Variants in CELF2 observed in about 807,000 individuals in gnomAD.
CELF2 encodes CUG triplet repeat RNA-binding protein 2.
Under a neutral mutation model 62.6 loss-of-function variants are expected in CELF2, and 8 were observed. The ratio of observed to expected loss-of-function variants is 0.13; its 90% confidence interval spans 0.07 to 0.23. CELF2 has a LOEUF of 0.23. Ranked by LOEUF, CELF2 falls within the 10% of genes least tolerant of loss-of-function variation. The pLI, the probability that CELF2 is intolerant of heterozygous loss-of-function variation, is 1.00. For synonymous variants in CELF2, 258 were observed against 250.0 expected, an observed-to-expected ratio of 1.03 and a Z score of -0.30; for missense variants, 333 against 671.0, an observed-to-expected ratio of 0.50 and a Z score of 5.56.
intron 1 of CELF2, among the ~76,000 whole-genome samples, chr10:11,116,695 T>G (rs1383773863): frequency 6.6e-6 from 1 of 152,244 alleles, no homozygotes; most frequent in African/African-American, 2.4e-5. Flanking sequence ...AGAGACCCTG[T>G]GCTCCTTTTG....
rs2052137476 is a variant in CELF2 at position 11,102,850 on chromosome 10, C to A, written c.75-62636C>A. ...CTCTCATTCCCCACAGCTCATGAAACCCTCAGCCCTGTCAGTTTTTTCTTT... is the reference window on the plus strand; with the variant it reads ...CTCTCATTCCCCACAGCTCATGAAAACCTCAGCCCTGTCAGTTTTTTCTTT... On this transcript the variant is annotated intron_variant, in intron 1 of 12. Transcript: ENST00000633077. Among the ~76,000 whole-genome samples the A allele has an allele frequency of 3.3e-5, 5 of 152,214 alleles. No individual in the cohort carries two copies. In the South Asian group the frequency reaches 1.0e-3, roughly 32 times the overall value.
chr10:11,217,278 T>G lies in CELF2; in HGVS notation c.272-147T>G, dbSNP rs2135932921. 3.0e-4 allele frequency: 159 copies of G among 533,600 alleles called. No homozygotes were observed. Among genetic ancestry groups the G allele is most frequent in the Middle Eastern group, 5.1e-4 (1 of 1,946 alleles). The allele number at this position is 533,600 out of a possible 1,614,324, so 33.1% of individuals were successfully genotyped here. A position where few individuals can be genotyped will look rare whatever the true frequency, so the allele number is the denominator to read the frequency against. On this transcript the variant is annotated intron_variant, in intron 2 of 12. Transcript: ENST00000633077. The surrounding 1 kb of genome is among the most constrained non-coding windows in gnomAD (Gnocchi z 5.6). ...GATGAAAAGGTACTGTGTAAATGCT[T>G]GAGATGTTGTTATTGCTGTTCTCAT...
At chr10:11,230,975 T>C (rs76527036) in intron 3 of CELF2, among the ~76,000 whole-genome samples, 12,751 of 152,272 alleles carry the variant, frequency 0.084, 537 homozygotes, top group Middle Eastern at 0.15. Context: ...CCTGTGTCTC[T>C]TGCTATCCGC....
chr10:10,874,983 A>G (rs1213406758), intron 1 of CELF2, among the ~76,000 whole-genome samples: 1 of 152,240 alleles, frequency 6.6e-6, no homozygotes, highest in African/African-American at 2.4e-5. Context: ...TTGATCAAAG[A>G]TGATTTCCTT....
chr10:11,053,139 C>T (rs935273625), intron 1 of CELF2, among the ~76,000 whole-genome samples: 3 of 152,192 alleles, frequency 2.0e-5, no homozygotes, highest in African/African-American at 7.2e-5. Context: ...TTCATCTATG[C>T]CTTTGAATTA....
chr10:10,493,822 G>A, the CELF2 span, among the ~76,000 whole-genome samples: 7 of 152,104 alleles, frequency 4.6e-5, no homozygotes, highest in Admixed American at 2.6e-4. Context: ...CTGAGCCACC[G>A]TGCCCAGCTG....
At chr10:11,190,909 G>T (rs1032560610) in intron 2 of CELF2, among the ~76,000 whole-genome samples, 1 of 151,994 alleles carries the variant, frequency 6.6e-6, no homozygotes, top group Non-Finnish European at 1.5e-5. Flanking sequence ...GGAACAGGGA[G>T]TAAGAGTGTA....
At position 11,202,827 on chromosome 10, in the gene CELF2, C is replaced by T. The variant is rs188487683; in HGVS notation, c.272-14598C>T. ...ACAGCAGAGGCTTTATCCTATAAAC[C>T]ATCTCGTTGCCTAGAGCATTTTAGC... On this transcript the variant is annotated intron_variant, in intron 2 of 12. Coordinates refer to ENST00000633077, the MANE Select transcript of CELF2 (RefSeq NM_001326342.2). Among the ~76,000 whole-genome samples, 52 of 151,348 alleles carry T rather than the reference C, an allele frequency of 3.4e-4. 2 individuals are homozygous for T. The East Asian group carries it at 7.6e-3, about 22-fold the overall frequency.
chr10:11,105,714 C>G (rs950630146), intron 1 of CELF2, among the ~76,000 whole-genome samples: 4 of 152,222 alleles, frequency 2.6e-5, no homozygotes, highest in African/African-American at 9.6e-5. Flanking sequence ...GCTGTGTGCT[C>G]TAGCACCCTG....
rs569069824 is a variant in CELF2, at chr10:11,130,003, G to A, written c.75-35483G>A. Reference sequence around the variant, plus strand: ...TAGATCTTTCCTGCTTTCTCTTGTGGGCATTCAGTGCTGTAAATTTCCCTC... The same window carrying A: ...TAGATCTTTCCTGCTTTCTCTTGTGAGCATTCAGTGCTGTAAATTTCCCTC... On this transcript the variant is annotated intron_variant, in intron 1 of 12. Transcript: ENST00000633077. Among the ~76,000 whole-genome samples the A allele has an allele frequency of 2.0e-5, 3 of 152,212 alleles. No homozygotes were observed. In the South Asian group the frequency reaches 6.2e-4, roughly 32 times the overall value.
intron 2 of CELF2, among the ~76,000 whole-genome samples, chr10:10,998,822 G>C (rs1313763650): frequency 6.6e-6 from 1 of 152,106 alleles, no homozygotes; most frequent in Non-Finnish European, 1.5e-5. Flanking sequence ...CTTTTGCCAA[G>C]CCACCACAAA....
Position 11,200,410 on chromosome 10 carries a change from T to C in CELF2, c.272-17015T>C, listed in dbSNP as rs544399845. Among the ~76,000 whole-genome samples, 3 of 152,364 alleles carry C rather than the reference T, an allele frequency of 2.0e-5. No homozygotes were observed. The South Asian group carries it at 6.2e-4, about 32-fold the overall frequency. On this transcript the variant is annotated intron_variant, in intron 2 of 12. Coordinates refer to ENST00000633077, the MANE Select transcript of CELF2 (RefSeq NM_001326342.2). The stretch of plus-strand genomic sequence containing the variant: ...GAGATGAAGAAGTGAATTGGTTAAA[T>C]GTACTGAATACCAGTTCTCTGTCTT...
chr10:11,133,435 G>C (rs1564877908), intron 1 of CELF2, among the ~76,000 whole-genome samples: 1 of 152,172 alleles, frequency 6.6e-6, no homozygotes, highest in Non-Finnish European at 1.5e-5. Context: ...ATTCGAGGTG[G>C]TTCTTTACTT....
At chr10:10,785,494 T>C in the CELF2 span, among the ~76,000 whole-genome samples, 1 of 152,048 alleles carries the variant, frequency 6.6e-6, no homozygotes, top group African/African-American at 2.4e-5. Flanking sequence ...AACAGATAAA[T>C]GGATTTTTAA....
intron 1 of CELF2, among the ~76,000 whole-genome samples, chr10:11,123,194 T>G (rs1024996201): frequency 3.3e-5 from 5 of 152,184 alleles, no homozygotes; most frequent in Non-Finnish European, 5.9e-5. Context: ...AAGTCCTTGC[T>G]TACAAGCACA....
intron 4 of CELF2, 63 bp downstream of exon 4, chr10:11,249,264 T>C (rs771361189): frequency 1.8e-5 from 25 of 1,411,854 alleles, no homozygotes; most frequent in East Asian, 1.1e-4. Context: ...ACAAAGTCAG[T>C]TGGGGGCGGG....
At chr10:10,662,996 C>G in the CELF2 span, among the ~76,000 whole-genome samples, 1 of 152,166 alleles carries the variant, frequency 6.6e-6, no homozygotes, top group Non-Finnish European at 1.5e-5. Context: ...GTACAAGGAG[C>G]TATTGTTCCA....
At chr10:10,912,161 G>A (rs1315134096) in intron 1 of CELF2, among the ~76,000 whole-genome samples, 8 of 151,866 alleles carry the variant, frequency 5.3e-5, no homozygotes, top group Admixed American at 3.3e-4. Context: ...GGATGGAAGC[G>A]GTTGCATTTA....
At chr10:11,266,698 T>C in intron 6 of CELF2, 21 bp downstream of exon 6, 1 of 1,586,382 alleles carries the variant, frequency 6.3e-7, no homozygotes, top group Non-Finnish European at 8.7e-7. Flanking sequence ...ATCTGCCCTT[T>C]CTTTGTTTTC....
Sources: allele counts gnomAD v4.1 joint callset (sites outside exome capture counted in the v4.1 genomes callset), GRCh38; gene constraint gnomAD v4.1.1; non-coding constraint Gnocchi (gnomAD v3.1); transcripts MANE v1.5; gene names NCBI Gene and HGNC (gene_info 2026-07-23, HGNC 2026-07-21).